Variants in TCEA1 observed in about 807,000 individuals in gnomAD.
TCEA1 encodes transcription elongation factor A1.
A neutral mutation model predicts 43.8 loss-of-function variants in TCEA1; 21 were observed. That is an observed-to-expected ratio of 0.48 (90% CI 0.34 to 0.69). The LOEUF is 0.69. Ranked by LOEUF, TCEA1 falls within the 30% of genes least tolerant of loss-of-function variation. TCEA1 has a pLI of 0.01. For missense variants in TCEA1, 250 were observed against 365.1 expected, an observed-to-expected ratio of 0.68 and a Z score of 2.57; for synonymous variants, 104 against 117.5, an observed-to-expected ratio of 0.88 and a Z score of 0.75.
intron 4 of TCEA1, among the ~76,000 whole-genome samples, chr8:53,993,016 G>GAA (rs998349475): frequency 8.1e-5 from 12 of 148,410 alleles, no homozygotes; most frequent in African/African-American, 2.8e-4. Flanking sequence ...GCAGTGGCAT[G>GAA]ATCTTGGCTC....
At chr8:53,977,147 G>A (rs1054597757) in intron 8 of TCEA1, among the ~76,000 whole-genome samples, 4 of 152,012 alleles carry the variant, frequency 2.6e-5, no homozygotes, top group Admixed American at 6.6e-5. Flanking sequence ...GTGAAACCCC[G>A]TCTCTACTAA....
At chr8:53,980,700 CACA>C in intron 7 of TCEA1, among the ~76,000 whole-genome samples, 1 of 152,268 alleles carries the variant, frequency 6.6e-6, no homozygotes, top group East Asian at 1.9e-4. Context: ...CTCCCTGAGA[CACA>C]ACAATATTGA....
intron 8 of TCEA1, chr8:53,973,474 T>C: frequency 2.0e-6 from 1 of 494,132 alleles, no homozygotes; most frequent in Non-Finnish European, 3.8e-6. Context: ...GCTAAAGAAG[T>C]TTAAAAAAAT....
intron 1 of TCEA1, among the ~76,000 whole-genome samples, chr8:54,017,009 T>C (rs1209927272): frequency 1.4e-5 from 2 of 144,664 alleles, no homozygotes; most frequent in East Asian, 4.2e-4. Flanking sequence ...AAGACTATAC[T>C]AAGCAAAAGA....
At chr8:53,989,631 CAGACTG>C (rs534843883) in intron 4 of TCEA1, among the ~76,000 whole-genome samples, 57 of 152,352 alleles carry the variant, frequency 3.7e-4, no homozygotes, top group Non-Finnish European at 7.1e-4. Context: ...TCTTCTCTAT[CAGACTG>C]AGTTTCTCAA....
intron 1 of TCEA1, among the ~76,000 whole-genome samples, chr8:54,017,006 T>C (rs994021158): frequency 2.8e-5 from 4 of 140,802 alleles, no homozygotes; most frequent in Non-Finnish European, 6.2e-5. Context: ...AAAAAGACTA[T>C]ACTAAGCAAA....
chr8:54,014,195 T>TA (rs1445860418), intron 1 of TCEA1, among the ~76,000 whole-genome samples: 2 of 152,206 alleles, frequency 1.3e-5, no homozygotes, highest in Non-Finnish European at 2.9e-5. Flanking sequence ...GCCTGACCCT[T>TA]ATACTGCTGC....
intron 1 of TCEA1, among the ~76,000 whole-genome samples, chr8:54,018,267 G>GAAAT (rs774187851): frequency 6.6e-6 from 1 of 152,066 alleles, no homozygotes; most frequent in Non-Finnish European, 1.5e-5. Context: ...AGCCTTCAAT[G>GAAAT]AAATAAATAA....
At chr8:53,992,957 T>C (rs941636921) in intron 4 of TCEA1, among the ~76,000 whole-genome samples, 1 of 143,358 alleles carries the variant, frequency 7.0e-6, no homozygotes, top group Non-Finnish European at 1.5e-5. Context: ...ACAAATGGCT[T>C]TTTTTTTTTT....
At chr8:54,002,356 C>T (rs1046747989) in intron 2 of TCEA1, among the ~76,000 whole-genome samples, 4 of 151,754 alleles carry the variant, frequency 2.6e-5, no homozygotes, top group African/African-American at 4.8e-5. Context: ...GTAGTCCCAG[C>T]TACTTGGGAG....
At chr8:54,008,755 A>G (rs1335090636) in intron 2 of TCEA1, among the ~76,000 whole-genome samples, 3 of 152,020 alleles carry the variant, frequency 2.0e-5, no homozygotes, top group East Asian at 3.8e-4. Context: ...AAAATGTTCA[A>G]CATCACTAAT....
At chr8:53,993,814 C>T (rs1230089128) in intron 3 of TCEA1, 59 bp from the exon 4 acceptor site, 1 of 1,365,846 alleles carries the variant, frequency 7.3e-7, no homozygotes, top group African/African-American at 1.4e-5. Flanking sequence ...AACTAAAATA[C>T]TGCGTTAACA....
At chr8:54,018,323 C>T (rs1804904881) in intron 1 of TCEA1, among the ~76,000 whole-genome samples, 1 of 152,164 alleles carries the variant, frequency 6.6e-6, no homozygotes, top group Admixed American at 6.5e-5. Context: ...AACTTCAAAA[C>T]TTTATGTCCT....
rs115319307 is a variant in TCEA1, at chr8:53,976,699, C to T, written c.825+2326G>A. 7.7e-3 allele frequency among the ~76,000 whole-genome samples: 1,160 copies of T among 151,258 alleles called. 16 individuals carry two copies. The highest frequency in any genetic ancestry group is 0.026 in the African/African-American group (1,073 of 40,674). On this transcript the variant is annotated intron_variant, in intron 8 of 9. Coordinates refer to ENST00000521604, the MANE Select transcript of TCEA1 (RefSeq NM_006756.4). Reference sequence around the variant, plus strand: ...TTTAACTTTTAAATAACTATTTATACTTAATACTTTCTAATAGATGGCATT... The same window carrying T: ...TTTAACTTTTAAATAACTATTTATATTTAATACTTTCTAATAGATGGCATT...
chr8:54,021,906 G>A (rs1037154065), intron 1 of TCEA1, 157 bp downstream of exon 1: 5 of 588,644 alleles, frequency 8.5e-6, no homozygotes, highest in Non-Finnish European at 1.3e-5. Context: ...CGACGCCCCG[G>A]GCCCGGACAC....
intron 2 of TCEA1, among the ~76,000 whole-genome samples, chr8:54,006,019 T>A (rs144083467): frequency 6.6e-6 from 1 of 152,358 alleles, no homozygotes; most frequent in Non-Finnish European, 1.5e-5. Context: ...TGCTGAAATA[T>A]CTTTCCCTGT....
intron 7 of TCEA1, among the ~76,000 whole-genome samples, chr8:53,983,731 G>C (rs886960054): frequency 1.3e-5 from 2 of 151,840 alleles, no homozygotes; most frequent in African/African-American, 4.8e-5. Context: ...CCACAAAAAA[G>C]GTTAGCACTT....
At chr8:53,970,722 ATAT>A (rs1282036727) in intron 8 of TCEA1, among the ~76,000 whole-genome samples, 1 of 152,188 alleles carries the variant, frequency 6.6e-6, no homozygotes, top group African/African-American at 2.4e-5. Context: ...GTCACACCTT[ATAT>A]TTTTTATAAA....
chr8:54,017,156 TGAG>T (rs1304198654), intron 1 of TCEA1, among the ~76,000 whole-genome samples: 2 of 151,940 alleles, frequency 1.3e-5, no homozygotes, highest in Non-Finnish European at 2.9e-5. Flanking sequence ...GAGGGCTGAA[TGAG>T]GAGTGACTGC....
Sources: allele counts gnomAD v4.1 joint callset (sites outside exome capture counted in the v4.1 genomes callset), GRCh38; gene constraint gnomAD v4.1.1; transcripts MANE v1.5; gene names NCBI Gene and HGNC (gene_info 2026-07-23, HGNC 2026-07-21).